CYP24A1: variants seen among roughly 807,000 people sequenced by gnomAD.
The protein encoded by CYP24A1 is 1,25-dihydroxyvitamin D(3) 24-hydroxylase, mitochondrial.
Under a neutral mutation model 62.4 loss-of-function variants are expected in CYP24A1, and 68 were observed. The ratio of observed to expected loss-of-function variants is 1.09; its 90% CI spans 0.90 to 1.33. The LOEUF (loss-of-function observed/expected upper bound fraction) is 1.33, where lower values mean the gene tolerates loss of function less well. Ranked by LOEUF, CYP24A1 falls within the 40% of genes most tolerant of loss-of-function variation. The probability of loss-of-function intolerance (pLI) is 0.00; values close to 1 mark genes in which losing one functional copy is unlikely to be tolerated. For synonymous variants in CYP24A1, 267 were observed against 253.0 expected, an observed-to-expected ratio of 1.06 and a Z score of -0.52; for missense variants, 787 against 653.0, an observed-to-expected ratio of 1.21 and a Z score of -2.24.
In CYP24A1 at chr20:54,173,585, C is replaced by T; in HGVS notation, c.-6G>A. The T allele has an allele frequency of 1.9e-6, 3 of 1,567,218 alleles. No individual in the cohort carries two copies. The highest frequency in any genetic ancestry group is 2.6e-6 in the Non-Finnish European group (3 of 1,160,986). On this transcript the variant is annotated 5_prime_UTR_variant, in exon 1 of 12. Coordinates refer to ENST00000216862, the MANE Select transcript of CYP24A1 (RefSeq NM_000782.5). This position sits in a 1 kb window ranked among gnomAD's most constrained non-coding sequence, Gnocchi z 7.2. ...TTGCTGATGGGGGAGCTCATGGCAG[C>T]GGGGGACACCGGAGCGCGGGAAGGC...
chr20:54,149,798 C>A (rs1022384480), downstream of CYP24A1, among the ~76,000 whole-genome samples: 1 of 152,166 alleles, frequency 6.6e-6, no homozygotes, highest in Non-Finnish European at 1.5e-5. Context: ...ATGAGAACAG[C>A]AAGATGAGAA....
intron 6 of CYP24A1, among the ~76,000 whole-genome samples, chr20:54,163,736 G>A (rs115539120): frequency 0.011 from 1,655 of 152,304 alleles, 33 homozygotes; most frequent in African/African-American, 0.038. Context: ...ACTGTGATAT[G>A]CCAGGTTTTT....
chr20:54,173,196 G>T lies in CYP24A1; in HGVS notation c.259-97C>A. 1.3e-6 allele frequency: 2 copies of T among 1,537,706 alleles called. No individual in the cohort carries two copies. The highest frequency in any genetic ancestry group is 8.9e-7 in the Non-Finnish European group (1 of 1,121,696). On this transcript the variant is annotated intron_variant, in intron 1 of 11. Transcript: ENST00000216862. This position sits in a 1 kb window ranked among gnomAD's most constrained non-coding sequence, Gnocchi z 7.2. ...CGCCTCCTTCCTCCTAGGGGACCGGGGACCCTCCCTGCCCAGACGCCGAAG... is the reference window on the plus strand; with the variant it reads ...CGCCTCCTTCCTCCTAGGGGACCGGTGACCCTCCCTGCCCAGACGCCGAAG...
intron 7 of CYP24A1, among the ~76,000 whole-genome samples, chr20:54,160,923 T>C (rs1465377578): frequency 6.6e-6 from 1 of 152,334 alleles, no homozygotes; most frequent in East Asian, 1.9e-4. Flanking sequence ...TTGATTGACC[T>C]CCATGGAACA....
In CYP24A1 at chr20:54,164,451, C is replaced by T. The variant is rs1465398205; in HGVS notation, c.844+1G>A. ...GCTGGTTGTGAAGGGCGGCCCTTTA[C>T]CTGATTTGAAAATGGTGTCCCAGGC... is the stretch of plus-strand genomic sequence containing the variant. On this transcript the variant is annotated splice_donor_variant, in intron 6 of 11. Coordinates refer to ENST00000216862, the MANE Select transcript of CYP24A1 (RefSeq NM_000782.5). LOFTEE classifies it high-confidence loss of function. The T allele has an allele frequency of 1.9e-6, 3 of 1,614,100 alleles. No individual in the cohort carries two copies. Among genetic ancestry groups the T allele is most frequent in the Non-Finnish European group, 1.7e-6 (2 of 1,180,032 alleles).
rs773353239 is a variant in CYP24A1 at position 54,162,711 on chromosome 20, C to A, written c.990+6G>T. The A allele has an allele frequency of 1.3e-6, 2 of 1,585,504 alleles. No individual in the cohort carries two copies. Among genetic ancestry groups the A allele is most frequent in the Non-Finnish European group, 1.7e-6 (2 of 1,154,418 alleles). ...TTTAGCAAACTCAAATCCAGCCCAC[C>A]CTTACCGTTTCCACCGCAGCCAGCT... On this transcript the variant is annotated splice_donor_region_variant and intron_variant, in intron 7 of 11. Coordinates refer to ENST00000216862, the MANE Select transcript of CYP24A1 (RefSeq NM_000782.5).
the CYP24A1 span, among the ~76,000 whole-genome samples, chr20:54,144,216 CT>C: frequency 0.2 from 28,046 of 141,530 alleles, 3,021 homozygotes; most frequent in East Asian, 0.3. Context: ...CTCTTTCTTT[CT>C]TTTTTTTTTT....
chr20:54,168,846 T>TTCCTTCCTTC (rs2092682954), intron 4 of CYP24A1, among the ~76,000 whole-genome samples: 3 of 43,506 alleles, frequency 6.9e-5, no homozygotes, highest in Admixed American at 2.9e-4. Flanking sequence ...CTCCCTCCCT[T>TTCCTTCCTTC]CTTCCTTCCT....
chr20:54,168,145 A>T (rs1461657211), intron 4 of CYP24A1, among the ~76,000 whole-genome samples: 1 of 152,054 alleles, frequency 6.6e-6, no homozygotes, highest in African/African-American at 2.4e-5. Context: ...CATCTCTGTG[A>T]AGCGACCCCT....
At chr20:54,166,961 C>T (rs148015129) in intron 4 of CYP24A1, among the ~76,000 whole-genome samples, 9 of 152,130 alleles carry the variant, frequency 5.9e-5, no homozygotes, top group African/African-American at 2.2e-4. Context: ...ATCTCTTGGG[C>T]CCAGGAGGCC....
rs764409549 is a variant in CYP24A1 at position 54,157,622 on chromosome 20, C to T, written c.1237-37G>A. 59 of 1,219,104 alleles carry T rather than the reference C, an allele frequency of 4.8e-5. 1 individual carries two copies. In the East Asian group the frequency reaches 1.3e-3, roughly 28 times the overall value. The allele number at this position is 1,219,104 out of a possible 1,614,324, so 75.5% of individuals were successfully genotyped here. A position where few individuals can be genotyped will look rare whatever the true frequency, so the allele number is the denominator to read the frequency against. On this transcript the variant is annotated intron_variant, in intron 9 of 11. Coordinates refer to ENST00000216862, the MANE Select transcript of CYP24A1 (RefSeq NM_000782.5). ...CAGAGACACATAGTATTTAAAATAA[C>T]CAGAAGAGACCTTTGAATGGCAAAA...
intron 11 of CYP24A1, among the ~76,000 whole-genome samples, chr20:54,156,394 A>T (rs1354361302): frequency 1.7e-4 from 26 of 152,182 alleles, no homozygotes. Context: ...TCAACCAACC[A>T]TTGTTACTGG....
the CYP24A1 span, among the ~76,000 whole-genome samples, chr20:54,143,607 C>A: frequency 5.3e-5 from 8 of 151,852 alleles, no homozygotes; most frequent in Admixed American, 1.3e-4. Context: ...TATTTGGTTA[C>A]ATGAGTAAGT....
chr20:54,165,642 A>G (rs924501848), intron 5 of CYP24A1, 100 bp downstream of exon 5: 9 of 788,884 alleles, frequency 1.1e-5, no homozygotes, highest in Non-Finnish European at 2.0e-5. Context: ...GAAATAAAAT[A>G]TGTGTGTATG....
intron 7 of CYP24A1, among the ~76,000 whole-genome samples, chr20:54,160,994 A>G (rs2092648329): frequency 6.6e-6 from 1 of 152,162 alleles, no homozygotes; most frequent in African/African-American, 2.4e-5. Flanking sequence ...TTCTCCATCC[A>G]CCAGCCAGAG....
At chr20:54,145,751 C>T in the CYP24A1 span, among the ~76,000 whole-genome samples, 5 of 152,108 alleles carry the variant, frequency 3.3e-5, no homozygotes, top group Admixed American at 1.3e-4. Flanking sequence ...TCCTTTCTCA[C>T]GTAATCACCA....
intron 8 of CYP24A1, 147 bp from the exon 9 acceptor site, chr20:54,158,311 G>GT (rs1211715321): frequency 4.1e-6 from 6 of 1,476,416 alleles, no homozygotes; most frequent in Non-Finnish European, 4.5e-6. Context: ...TAAAGAAGTT[G>GT]TTTTTTTCTT....
In CYP24A1 at chr20:54,166,870, A is replaced by G. The variant is rs2092674031; in HGVS notation, c.641-1037T>C. 2.0e-5 allele frequency among the ~76,000 whole-genome samples: 3 copies of G among 152,092 alleles called. No individual in the cohort carries two copies. The South Asian group carries it at 6.2e-4, about 32-fold the overall frequency. On this transcript the variant is annotated intron_variant, in intron 4 of 11. Transcript: ENST00000216862. The stretch of plus-strand genomic sequence containing the variant: ...AACATGGCAAAACGCTGTCTCTACA[A>G]AAAAATAAAAATAAAAAAATTATTC...
At chr20:54,167,445 C>T (rs942606367) in intron 4 of CYP24A1, among the ~76,000 whole-genome samples, 1 of 152,092 alleles carries the variant, frequency 6.6e-6, no homozygotes, top group Non-Finnish European at 1.5e-5. Context: ...AGTTTGAGAC[C>T]AACCGGTGGC....
Sources: allele counts gnomAD v4.1 joint callset (sites outside exome capture counted in the v4.1 genomes callset), GRCh38; gene constraint gnomAD v4.1.1; non-coding constraint Gnocchi (gnomAD v3.1); transcripts MANE v1.5; gene names NCBI Gene and HGNC (gene_info 2026-07-23, HGNC 2026-07-21).